The following STPG2 variants were observed in gnomAD, a reference collection of about 807,000 sequenced individuals.
STPG2 encodes sperm-tail PG-rich repeat-containing protein 2.
Under a neutral mutation model 54.2 loss-of-function variants are expected in STPG2, and 56 were observed. The observed-to-expected ratio is 1.03, with a 90% CI of 0.83 to 1.29. STPG2 has a LOEUF of 1.29. Ranked by LOEUF, STPG2 falls within the 50% of genes most tolerant of loss-of-function variation. The probability of loss-of-function intolerance (pLI) is 0.00; values close to 1 mark genes in which losing one functional copy is unlikely to be tolerated. For missense variants in STPG2, 596 were observed against 544.9 expected, an observed-to-expected ratio of 1.09 and a Z score of -0.93; for synonymous variants, 200 against 181.8, an observed-to-expected ratio of 1.10 and a Z score of -0.81.
chr4:98,039,523 A>T (rs79075162), intron 5 of STPG2, among the ~76,000 whole-genome samples: 55,815 of 145,782 alleles, frequency 0.38, 10,981 homozygotes, highest in Middle Eastern at 0.44. Flanking sequence ...CTTTTGTGTA[A>T]ATATGTATAC....
At chr4:97,631,268 A>G (rs1721270422) in intron 10 of STPG2, among the ~76,000 whole-genome samples, 1 of 152,196 alleles carries the variant, frequency 6.6e-6, no homozygotes, top group East Asian at 1.9e-4. Flanking sequence ...GAAAGAAATT[A>G]GTTTAGAAAT....
At chr4:97,647,982 T>C (rs973887167) in intron 10 of STPG2, among the ~76,000 whole-genome samples, 4 of 152,076 alleles carry the variant, frequency 2.6e-5, no homozygotes, top group African/African-American at 7.2e-5. Context: ...TAAGAGCTAA[T>C]CTGAGAGTTT....
chr4:97,848,736 G>C (rs1351834489), intron 8 of STPG2, among the ~76,000 whole-genome samples: 1 of 151,724 alleles, frequency 6.6e-6, no homozygotes, highest in African/African-American at 2.4e-5. Context: ...AGTTTTCCCA[G>C]CACCATTTAT....
intron 10 of STPG2, among the ~76,000 whole-genome samples, chr4:97,633,314 G>C (rs1481922079): frequency 6.6e-6 from 1 of 151,870 alleles, no homozygotes. Flanking sequence ...TTGGAATATT[G>C]TTTGCTACAA....
intron 4 of STPG2, among the ~76,000 whole-genome samples, chr4:97,530,679 C>T (rs1454289760): frequency 6.6e-6 from 1 of 152,144 alleles, no homozygotes; most frequent in Non-Finnish European, 1.5e-5. Context: ...GTTACAAGAA[C>T]CAAAATCAGG....
chr4:97,596,017 G>C (rs940439388), intron 10 of STPG2, among the ~76,000 whole-genome samples: 1 of 152,112 alleles, frequency 6.6e-6, no homozygotes, highest in African/African-American at 2.4e-5. Context: ...CTTTCTTCAA[G>C]AGATCCACCT....
At chr4:97,494,899 C>T (rs1340748386) in intron 4 of STPG2, among the ~76,000 whole-genome samples, 1 of 151,358 alleles carries the variant, frequency 6.6e-6, no homozygotes, top group African/African-American at 2.4e-5. Context: ...AATATATACG[C>T]CACATACTTA....
chr4:97,775,503 C>T (rs771262068), intron 9 of STPG2, among the ~76,000 whole-genome samples: 1 of 152,100 alleles, frequency 6.6e-6, no homozygotes, highest in African/African-American at 2.4e-5. Context: ...CCAAACACTA[C>T]ACTTGGTTAC....
chr4:97,976,310 T>G (rs1033653233), intron 6 of STPG2, among the ~76,000 whole-genome samples: 1 of 152,132 alleles, frequency 6.6e-6, no homozygotes, highest in African/African-American at 2.4e-5. Flanking sequence ...GATATATAAA[T>G]AACAAGTAAC....
intron 5 of STPG2, among the ~76,000 whole-genome samples, chr4:97,991,457 GTGTATA>G (rs978498772): frequency 9.1e-5 from 13 of 142,334 alleles, no homozygotes; most frequent in South Asian, 2.6e-4. Context: ...GTGTGTGTGT[GTGTATA>G]TATATATATG....
chr4:97,619,709 A>G (rs965819283), intron 10 of STPG2, among the ~76,000 whole-genome samples: 3 of 152,080 alleles, frequency 2.0e-5, no homozygotes, highest in South Asian at 2.1e-4. Flanking sequence ...TAGTCATTCC[A>G]AGAAGCTTCG....
chr4:97,639,347 G>T (rs939591051), intron 10 of STPG2, among the ~76,000 whole-genome samples: 1 of 151,854 alleles, frequency 6.6e-6, no homozygotes, highest in Non-Finnish European at 1.5e-5. Context: ...ACTGTTGTGG[G>T]GTGGGTGGAG....
At chr4:97,681,268 A>G (rs1723025434) in intron 10 of STPG2, among the ~76,000 whole-genome samples, 1 of 151,878 alleles carries the variant, frequency 6.6e-6, no homozygotes, top group South Asian at 2.1e-4. Flanking sequence ...AGTAACTCTG[A>G]CCTCAGAGGT....
chr4:97,730,005 T>A lies in STPG2; in HGVS notation c.1205-17191A>T, dbSNP rs1316891398. The stretch of plus-strand genomic sequence containing the variant: ...TGGTGAAGTCTTTAGGGCTTTTCTT[T>A]TTCAACTTTTATTTTAGATACAGGG... On this transcript the variant is annotated intron_variant, in intron 9 of 10. Coordinates refer to ENST00000295268, the MANE Select transcript of STPG2 (RefSeq NM_174952.3). 2.6e-5 allele frequency among the ~76,000 whole-genome samples: 4 copies of A among 152,296 alleles called. No individual in the cohort carries two copies. The East Asian group carries it at 7.7e-4, about 29-fold the overall frequency.
chr4:97,583,058 T>A (rs1400197501), intron 10 of STPG2, among the ~76,000 whole-genome samples: 1 of 152,014 alleles, frequency 6.6e-6, no homozygotes, highest in Non-Finnish European at 1.5e-5. Flanking sequence ...GTGATTCTAC[T>A]TGTTAAGTCT....
intron 7 of STPG2, among the ~76,000 whole-genome samples, chr4:97,969,669 A>G (rs1560615514): frequency 3.9e-5 from 6 of 152,238 alleles, no homozygotes; most frequent in Admixed American, 2.6e-4. Flanking sequence ...TCTCAAAATA[A>G]TAAAAGCTAT....
chr4:97,967,763 G>C (rs1452833861), intron 7 of STPG2, among the ~76,000 whole-genome samples: 1 of 152,020 alleles, frequency 6.6e-6, no homozygotes, highest in African/African-American at 2.4e-5. Context: ...ATGACTACTG[G>C]GTACATAACA....
At chr4:98,035,521 T>C (rs1736744678) in intron 5 of STPG2, among the ~76,000 whole-genome samples, 1 of 152,186 alleles carries the variant, frequency 6.6e-6, no homozygotes, top group Non-Finnish European at 1.5e-5. Flanking sequence ...GTTCAACCAT[T>C]GTGGAAGACA....
intron 3 of STPG2, among the ~76,000 whole-genome samples, chr4:98,117,878 A>G (rs1739567031): frequency 6.6e-6 from 1 of 152,080 alleles, no homozygotes; most frequent in Non-Finnish European, 1.5e-5. Context: ...TTCTTTGAAC[A>G]TATTTAAAAT....
Sources: gnomAD v4.1 joint callset for allele counts (sites outside exome capture counted in the v4.1 genomes callset) on GRCh38, gnomAD v4.1.1 for gene constraint, MANE v1.5 for transcripts, NCBI Gene and HGNC (gene_info 2026-07-23, HGNC 2026-07-21) for gene names.